Variants in MICAL3 observed in about 807,000 individuals in gnomAD.
MICAL3 encodes microtubule associated monooxygenase, calponin and LIM domain containing 3.
In MICAL3, 62 loss-of-function variants were observed where a neutral mutation model predicts 207.4. That is an observed-to-expected ratio of 0.30 (90% CI 0.24 to 0.37). The LOEUF (loss-of-function observed/expected upper bound fraction) is 0.37, where lower values mean the gene tolerates loss of function less well. Among genes scored for constraint, MICAL3 ranks in the 10% least tolerant of loss-of-function variants. The pLI is 1.00. For missense variants in MICAL3, 2,368 were observed against 2,635.6 expected (o/e 0.90, Z 2.22); for synonymous variants, 1,077 against 1,069.3 (o/e 1.01, Z -0.14).
chr22:17,797,139 C>T (rs893920043), intron 29 of MICAL3, among the ~76,000 whole-genome samples: 6 of 152,156 alleles, frequency 3.9e-5, no homozygotes, highest in African/African-American at 1.4e-4. Flanking sequence ...ACTCGAAATC[C>T]AAGAGCCATA....
intron 29 of MICAL3, among the ~76,000 whole-genome samples, chr22:17,792,775 G>A (rs1024252732): frequency 6.6e-6 from 1 of 152,226 alleles, no homozygotes; most frequent in East Asian, 1.9e-4. Flanking sequence ...TCTGAAGGAC[G>A]GAAACCCCCC....
At position 17,816,685 on chromosome 22, in the gene MICAL3, C is replaced by T. The variant is rs751191417; in HGVS notation, c.5445+5G>A. ...CCCTGTGAAGCCCCCTGCCTGACTA[C>T]CCACCTCTCGCCGGGACTTCTGTGA... On this transcript the variant is annotated splice_donor_5th_base_variant and intron_variant, in intron 27 of 31. Transcript: ENST00000441493. 8 of 1,551,052 alleles carry T rather than the reference C, an allele frequency of 5.2e-6. No homozygotes were observed. The South Asian group carries it at 7.1e-5, about 14-fold the overall frequency.
chr22:17,878,700 T>G (rs1185300975), intron 16 of MICAL3, among the ~76,000 whole-genome samples: 1 of 152,178 alleles, frequency 6.6e-6, no homozygotes, highest in Non-Finnish European at 1.5e-5. Context: ...AAAAGTTTCA[T>G]AAAGTAAGCC....
In MICAL3 at chr22:17,960,733, C is replaced by T. The variant is rs1281832538; in HGVS notation, c.-74-53847G>A. Among the ~76,000 whole-genome samples, 6 of 152,106 alleles carry T rather than the reference C, an allele frequency of 3.9e-5. No individual in the cohort carries two copies. In the South Asian group the frequency reaches 1.2e-3, roughly 32 times the overall value. On this transcript the variant is annotated intron_variant, in intron 1 of 31. Transcript: ENST00000441493. ...CAGATTTGGAAACAGACACCCGCCC[C>T]GGGGTCAGATTTGACCCAGGGGGGC...
At chr22:17,904,404 T>C (rs1931563780) in intron 3 of MICAL3, among the ~76,000 whole-genome samples, 1 of 152,200 alleles carries the variant, frequency 6.6e-6, no homozygotes, top group African/African-American at 2.4e-5. Context: ...AAACCCCACA[T>C]TTCACAGGTT....
chr22:17,856,110 A>G (rs975405536), intron 19 of MICAL3, among the ~76,000 whole-genome samples: 3 of 152,222 alleles, frequency 2.0e-5, no homozygotes, highest in Admixed American at 6.5e-5. Flanking sequence ...TGCGTGCTAC[A>G]TGTTAGCGAC....
chr22:17,963,442 G>A (rs920751041), intron 1 of MICAL3, among the ~76,000 whole-genome samples: 3 of 151,934 alleles, frequency 2.0e-5, no homozygotes, highest in Admixed American at 6.6e-5. Context: ...ACATAAATGC[G>A]GGCTAAGGAC....
chr22:18,018,857 T>C (rs1924250131), intron 1 of MICAL3, among the ~76,000 whole-genome samples: 1 of 152,094 alleles, frequency 6.6e-6, no homozygotes, highest in African/African-American at 2.4e-5. Flanking sequence ...TTCCCTTCAC[T>C]ACACGTATAC....
At chr22:17,931,765 C>CAG (rs1419337476) in intron 1 of MICAL3, among the ~76,000 whole-genome samples, 1 of 152,238 alleles carries the variant, frequency 6.6e-6, no homozygotes, top group Non-Finnish European at 1.5e-5. Context: ...ATACCCTTCT[C>CAG]AGATGTGCAC....
chr22:18,012,743 T>C (rs1302544232), intron 1 of MICAL3, among the ~76,000 whole-genome samples: 1 of 152,220 alleles, frequency 6.6e-6, no homozygotes, highest in Non-Finnish European at 1.5e-5. Flanking sequence ...TACTGTTACA[T>C]GGTGATTTAC....
intron 20 of MICAL3, among the ~76,000 whole-genome samples, chr22:17,839,155 T>C (rs181361780): frequency 2.0e-5 from 3 of 151,916 alleles, no homozygotes; most frequent in African/African-American, 7.2e-5. Flanking sequence ...TTTCATCATG[T>C]TACTGCTGCT....
At chr22:17,965,158 G>A (rs1418193793) in intron 1 of MICAL3, among the ~76,000 whole-genome samples, 2 of 148,170 alleles carry the variant, frequency 1.3e-5, no homozygotes, top group African/African-American at 5.1e-5. Flanking sequence ...AGACCAGCCT[G>A]GGCAACACAG....
intron 1 of MICAL3, among the ~76,000 whole-genome samples, chr22:17,932,763 G>C (rs1472233631): frequency 2.0e-5 from 3 of 152,142 alleles, no homozygotes; most frequent in Non-Finnish European, 2.9e-5. Flanking sequence ...TGAAGATAAA[G>C]GGATGGAGGA....
intron 1 of MICAL3, among the ~76,000 whole-genome samples, chr22:17,970,776 A>G (rs1347166822): frequency 2.0e-5 from 3 of 148,826 alleles, no homozygotes; most frequent in Non-Finnish European, 4.5e-5. Context: ...TTAATGTGGA[A>G]AATTTTTTTA....
At chr22:17,807,673 C>T (rs1358665991) in intron 29 of MICAL3, among the ~76,000 whole-genome samples, 2 of 152,194 alleles carry the variant, frequency 1.3e-5, no homozygotes, top group African/African-American at 4.8e-5. Context: ...GACTCCCTCA[C>T]TCCCCACCAC....
At chr22:17,850,290 C>T (rs924934199) in intron 19 of MICAL3, among the ~76,000 whole-genome samples, 14 of 152,040 alleles carry the variant, frequency 9.2e-5, no homozygotes, top group African/African-American at 2.9e-4. Context: ...CCAAGCATGC[C>T]GAGGACACCC....
intron 16 of MICAL3, 72 bp from the exon 17 acceptor site, chr22:17,872,095 G>GC: frequency 7.3e-7 from 1 of 1,369,920 alleles, no homozygotes; most frequent in Admixed American, 2.2e-5. Context: ...TAGAGGCACA[G>GC]CCTTGCGAGA....
chr22:17,870,705 A>T (rs554641407), intron 17 of MICAL3, among the ~76,000 whole-genome samples: 16 of 152,174 alleles, frequency 1.1e-4, no homozygotes. Flanking sequence ...GGTGTGTGTG[A>T]GAGGTGGAAC....
chr22:17,887,527 G>A lies in MICAL3; in HGVS notation c.1892-92C>T, dbSNP rs570062591. 3.2e-5 allele frequency: 25 copies of A among 782,522 alleles called. No individual in the cohort carries two copies. In the South Asian group the frequency reaches 4.0e-4, roughly 12 times the overall value. 48.5% of individuals were successfully genotyped at this position (782,522 alleles called of 1,614,324 possible). A position where few individuals can be genotyped will look rare whatever the true frequency, so the allele number is the denominator to read the frequency against. On this transcript the variant is annotated intron_variant, in intron 13 of 31. Transcript: ENST00000441493. Reference sequence around the variant, plus strand: ...TACTCTCCCTCGTGGATGGTTCGCAGAGCCTCAGAAGGCTCTAAAGGTTCA... The same window carrying A: ...TACTCTCCCTCGTGGATGGTTCGCAAAGCCTCAGAAGGCTCTAAAGGTTCA...
Sources: gnomAD v4.1 joint callset for allele counts (sites outside exome capture counted in the v4.1 genomes callset) on GRCh38, gnomAD v4.1.1 for gene constraint, MANE v1.5 for transcripts, NCBI Gene and HGNC (gene_info 2026-07-23, HGNC 2026-07-21) for gene names.